Variants in CTNNA2 observed in about 807,000 individuals in gnomAD.
The protein encoded by CTNNA2 is catenin alpha-2.
In CTNNA2, 42 loss-of-function variants were observed where a neutral mutation model predicts 101.0. That is an observed-to-expected ratio of 0.42 (90% confidence interval 0.32 to 0.54). The LOEUF is 0.54. Ranked by LOEUF, CTNNA2 falls within the 20% of genes least tolerant of loss-of-function variation. The pLI is 0.14. For synonymous variants in CTNNA2, 450 were observed against 456.4 expected, an observed-to-expected ratio of 0.99 and a Z score of 0.18; for missense variants, 871 against 1,223.1, an observed-to-expected ratio of 0.71 and a Z score of 4.29.
chr2:79,415,435 T>C (rs1678466698), intron 4 of CTNNA2, among the ~76,000 whole-genome samples: 2 of 152,162 alleles, frequency 1.3e-5, no homozygotes, highest in Non-Finnish European at 2.9e-5. Flanking sequence ...TAGTTCTTTA[T>C]AGTGATGCAA....
At chr2:80,384,142 A>G (rs1294857694) in intron 7 of CTNNA2, among the ~76,000 whole-genome samples, 2 of 152,178 alleles carry the variant, frequency 1.3e-5, no homozygotes, top group Non-Finnish European at 2.9e-5. Context: ...AAAGAGGGGA[A>G]CAACAGACGT....
intron 3 of CTNNA2, among the ~76,000 whole-genome samples, chr2:79,822,172 T>A (rs189357514): frequency 2.1e-4 from 31 of 147,068 alleles, no homozygotes; most frequent in Admixed American, 7.5e-4. Flanking sequence ...GGTGTTGATA[T>A]TTGATTCCAA....
intron 9 of CTNNA2, among the ~76,000 whole-genome samples, chr2:80,441,963 C>T (rs1682628807): frequency 6.6e-6 from 1 of 152,228 alleles, no homozygotes; most frequent in African/African-American, 2.4e-5. Context: ...TTCAGGCAGT[C>T]CTCCATGGGC....
At chr2:79,470,476 T>C (rs532594558) in intron 4 of CTNNA2, among the ~76,000 whole-genome samples, 1 of 152,348 alleles carries the variant, frequency 6.6e-6, no homozygotes, top group Admixed American at 6.5e-5. Context: ...TGGAGCAGCC[T>C]GTATTAATTT....
intron 9 of CTNNA2, among the ~76,000 whole-genome samples, chr2:80,426,983 C>T (rs1438167472): frequency 6.6e-6 from 1 of 152,024 alleles, no homozygotes; most frequent in Non-Finnish European, 1.5e-5. Context: ...GGATTGTAAC[C>T]ATTCAGCTCT....
chr2:80,483,936 A>C (rs1364219349), intron 9 of CTNNA2, among the ~76,000 whole-genome samples: 1 of 152,184 alleles, frequency 6.6e-6, no homozygotes, highest in African/African-American at 2.4e-5. Context: ...AGGATTTGTA[A>C]GGCAATAAAT....
At chr2:79,344,964 C>T (rs1271234409) in intron 3 of CTNNA2, among the ~76,000 whole-genome samples, 1 of 149,654 alleles carries the variant, frequency 6.7e-6, no homozygotes, top group East Asian at 2.0e-4. Flanking sequence ...GGGAGGTATA[C>T]ACTAAGTGTT....
At chr2:80,012,506 T>G (rs184061666) in intron 7 of CTNNA2, among the ~76,000 whole-genome samples, 7 of 152,296 alleles carry the variant, frequency 4.6e-5, no homozygotes, top group African/African-American at 1.7e-4. Flanking sequence ...GCAAACATTT[T>G]CTGTAAAGGA....
At chr2:79,495,697 A>G (rs1216407967) in intron 4 of CTNNA2, among the ~76,000 whole-genome samples, 1 of 152,212 alleles carries the variant, frequency 6.6e-6, no homozygotes, top group Non-Finnish European at 1.5e-5. Flanking sequence ...CCTAAAGTGG[A>G]AATAACATAT....
At chr2:80,160,268 C>T (rs6749485) in intron 7 of CTNNA2, among the ~76,000 whole-genome samples, 1,795 of 152,182 alleles carry the variant, frequency 0.012, 37 homozygotes, top group African/African-American at 0.039. Context: ...TTTTAAAATT[C>T]GTTTCAGTAT....
intron 3 of CTNNA2, among the ~76,000 whole-genome samples, chr2:79,786,522 T>C (rs1299404369): frequency 1.3e-5 from 2 of 151,880 alleles, no homozygotes; most frequent in Non-Finnish European, 2.9e-5. Context: ...GTTGGGGGAA[T>C]AGGCATTCTT....
intron 11 of CTNNA2, among the ~76,000 whole-genome samples, chr2:80,551,253 G>A (rs1004291206): frequency 2.8e-4 from 42 of 152,082 alleles, no homozygotes; most frequent in Non-Finnish European, 2.5e-4. Context: ...TTCAGTCTTC[G>A]TTGTTCCATT....
At chr2:80,604,215 G>A (rs1169212969) in intron 16 of CTNNA2, 36 bp downstream of exon 16, 1 of 1,540,536 alleles carries the variant, frequency 6.5e-7, no homozygotes, top group Non-Finnish European at 9.0e-7. Flanking sequence ...CATGCTGAGT[G>A]GAGTCACTAA....
chr2:79,241,186 T>A, intron 2 of CTNNA2, among the ~76,000 whole-genome samples: 1 of 152,346 alleles, frequency 6.6e-6, no homozygotes, highest in Non-Finnish European at 1.5e-5. Context: ...GGGTACTAAC[T>A]AAATAGCAGG....
At chr2:79,990,079 G>T (rs932715160) in intron 7 of CTNNA2, among the ~76,000 whole-genome samples, 6 of 152,176 alleles carry the variant, frequency 3.9e-5, no homozygotes, top group African/African-American at 1.4e-4. Context: ...AGGCTGATGT[G>T]TCCCTGAGAG....
At chr2:80,392,831 A>G (rs1210767143) in intron 7 of CTNNA2, among the ~76,000 whole-genome samples, 3 of 152,200 alleles carry the variant, frequency 2.0e-5, no homozygotes, top group African/African-American at 7.2e-5. Flanking sequence ...TTATTATCTC[A>G]GTTATCTTCT....
chr2:79,260,840 A>G (rs1279018207), intron 2 of CTNNA2, among the ~76,000 whole-genome samples: 3 of 152,126 alleles, frequency 2.0e-5, no homozygotes, highest in African/African-American at 7.2e-5. Flanking sequence ...CTCACTCAAG[A>G]TTGACTCTTA....
At chr2:80,357,094 G>A (rs919258188) in intron 7 of CTNNA2, among the ~76,000 whole-genome samples, 4 of 152,082 alleles carry the variant, frequency 2.6e-5, no homozygotes, top group Non-Finnish European at 5.9e-5. Flanking sequence ...TTAAATTATA[G>A]CAAAGAAAAA....
intron 7 of CTNNA2, among the ~76,000 whole-genome samples, chr2:80,193,107 G>T (rs1010945577): frequency 6.6e-6 from 1 of 152,140 alleles, no homozygotes; most frequent in African/African-American, 2.4e-5. Context: ...TTCATAAAAT[G>T]AGCAGATTTT....
Sources: gnomAD v4.1 joint callset for allele counts (sites outside exome capture counted in the v4.1 genomes callset) on GRCh38, gnomAD v4.1.1 for gene constraint, MANE v1.5 for transcripts, NCBI Gene and HGNC (gene_info 2026-07-23, HGNC 2026-07-21) for gene names.